Variants in TUSC3 observed in about 807,000 individuals in gnomAD.
TUSC3 encodes the protein tumor suppressor candidate 3.
A neutral mutation model predicts 44.8 loss-of-function variants in TUSC3; 45 were observed. The ratio of observed to expected loss-of-function variants is 1.00; its 90% CI spans 0.79 to 1.29. TUSC3 has a LOEUF of 1.29. Ranked by LOEUF, TUSC3 falls within the 50% of genes most tolerant of loss-of-function variation. The pLI, the probability that TUSC3 is intolerant of heterozygous loss-of-function variation, is 0.00. For missense variants in TUSC3, 519 were observed against 437.9 expected (o/e 1.19, Z -1.65); for synonymous variants, 212 against 152.9 (o/e 1.39, Z -2.85).
intron 2 of TUSC3, among the ~76,000 whole-genome samples, chr8:15,500,195 G>A (rs1012857482): frequency 7.9e-5 from 12 of 152,134 alleles, no homozygotes; most frequent in African/African-American, 2.9e-4. Context: ...GTATCTGGTG[G>A]TGGCCTCTGG....
chr8:15,838,593 G>T, the TUSC3 span, among the ~76,000 whole-genome samples: 15 of 152,104 alleles, frequency 9.9e-5, no homozygotes, highest in Non-Finnish European at 1.5e-5. Context: ...AGTTTTCGCA[G>T]CACCATTTAT....
At position 15,562,706 on chromosome 8, in the gene TUSC3, G is replaced by T. The variant is rs959587877; in HGVS notation, c.138+22138G>T. Among the ~76,000 whole-genome samples, 2 of 152,072 alleles carry T rather than the reference G, an allele frequency of 1.3e-5. 1 individual carries two copies. The highest frequency in any genetic ancestry group is 2.9e-5 in the Non-Finnish European group (2 of 68,030). ...GGAAGGAGTTTCTTGTTTTCTTCCT[G>T]CTTGTGTTGCTCTCAGTTCTTTGCT... On this transcript the variant is annotated intron_variant, in intron 1 of 10. Transcript: ENST00000503731.
At chr8:15,419,761 T>C (rs1287244618) in intron 1 of TUSC3, among the ~76,000 whole-genome samples, 2 of 152,198 alleles carry the variant, frequency 1.3e-5, no homozygotes, top group Admixed American at 6.5e-5. Flanking sequence ...AGTTTCCTAA[T>C]TTGTAAAATA....
intron 1 of TUSC3, among the ~76,000 whole-genome samples, chr8:15,441,908 A>T (rs1010174631): frequency 6.6e-6 from 1 of 152,148 alleles, no homozygotes; most frequent in Non-Finnish European, 1.5e-5. Context: ...TCTTGTATTC[A>T]TTTTAATGAT....
At chr8:15,811,284 G>T in the TUSC3 span, among the ~76,000 whole-genome samples, 1 of 152,114 alleles carries the variant, frequency 6.6e-6, no homozygotes, top group Admixed American at 6.5e-5. Flanking sequence ...AGGTTTAGGG[G>T]TAGCAGTCGC....
intron 1 of TUSC3, among the ~76,000 whole-genome samples, chr8:15,586,225 A>T (rs945576540): frequency 6.6e-6 from 1 of 151,920 alleles, no homozygotes; most frequent in African/African-American, 2.4e-5. Flanking sequence ...GAAGGACTGA[A>T]TGTTGTGAGT....
At chr8:15,850,118 T>TC in the TUSC3 span, among the ~76,000 whole-genome samples, 1 of 151,672 alleles carries the variant, frequency 6.6e-6, no homozygotes, top group Non-Finnish European at 1.5e-5. Context: ...ATCCTTTTTT[T>TC]TTTTTTGCCA....
At chr8:15,497,132 A>G (rs1432723572) in intron 2 of TUSC3, among the ~76,000 whole-genome samples, 2 of 152,174 alleles carry the variant, frequency 1.3e-5, no homozygotes, top group South Asian at 2.1e-4. Flanking sequence ...AATAAAAGGT[A>G]TGGTGGTTGT....
the TUSC3 span, among the ~76,000 whole-genome samples, chr8:15,850,750 A>C: frequency 1.3e-5 from 2 of 152,256 alleles, no homozygotes; most frequent in African/African-American, 4.8e-5. Context: ...AAAGAATTTT[A>C]AACAAAAATC....
intron 6 of TUSC3, among the ~76,000 whole-genome samples, chr8:15,719,507 ACACACACAC>A (rs1275859842): frequency 3.3e-4 from 16 of 49,190 alleles, no homozygotes; most frequent in African/African-American, 1.1e-3. Context: ...ACACACACAC[ACACACACAC>A]CACACACACA....
At chr8:15,803,239 G>A in the TUSC3 span, among the ~76,000 whole-genome samples, 1 of 151,984 alleles carries the variant, frequency 6.6e-6, no homozygotes, top group Non-Finnish European at 1.5e-5. Context: ...GCAATTTTGT[G>A]GCAATTTTTC....
intron 1 of TUSC3, among the ~76,000 whole-genome samples, chr8:15,437,651 T>C (rs1799966130): frequency 1.3e-5 from 2 of 152,174 alleles, no homozygotes; most frequent in Admixed American, 1.3e-4. Flanking sequence ...GGTATATGTA[T>C]AACTAAAAGT....
At chr8:15,491,845 C>G (rs1800813294) in intron 2 of TUSC3, among the ~76,000 whole-genome samples, 1 of 152,202 alleles carries the variant, frequency 6.6e-6, no homozygotes, top group Admixed American at 6.5e-5. Context: ...TTGATGACAA[C>G]ATTCCATATG....
intron 2 of TUSC3, among the ~76,000 whole-genome samples, chr8:15,512,842 ATTTG>A (rs376743610): frequency 1.0e-4 from 14 of 136,962 alleles, no homozygotes; most frequent in African/African-American, 2.7e-4. Context: ...GTGTATATAT[ATTTG>A]TGTGTGTGTG....
rs111677012 is a variant in TUSC3 at position 15,602,995 on chromosome 8, G to A, written c.139-20085G>A. Among the ~76,000 whole-genome samples the A allele has an allele frequency of 5.1e-3, 775 of 151,626 alleles. 10 individuals carry two copies. The highest frequency in any genetic ancestry group is 0.018 in the African/African-American group (749 of 41,466). ...GTCTTTTGAAATAAGACTGAGAGAA[G>A]TACAAGTTATAAATAAATGGATTCA... On this transcript the variant is annotated intron_variant, in intron 1 of 10. Coordinates refer to ENST00000503731, the MANE Select transcript of TUSC3 (RefSeq NM_006765.4).
At chr8:15,439,576 A>T (rs1026336206) in intron 1 of TUSC3, among the ~76,000 whole-genome samples, 2 of 152,184 alleles carry the variant, frequency 1.3e-5, no homozygotes, top group African/African-American at 2.4e-5. Context: ...ACAAAAACAA[A>T]AACAGAAAAA....
chr8:15,659,391 C>T lies in TUSC3; in HGVS notation c.427-116C>T, dbSNP rs1250622869. The T allele has an allele frequency of 2.3e-6, 3 of 1,332,356 alleles. No individual in the cohort carries two copies. The East Asian group carries it at 7.6e-5, about 34-fold the overall frequency. 82.5% of individuals were successfully genotyped at this position (1,332,356 alleles called of 1,614,324 possible). ...AAACAGAAATTTACCTCTGGAAAAC[C>T]ACTTGGATTTTCATAATAAATGCTG... On this transcript the variant is annotated intron_variant, in intron 3 of 10. Coordinates refer to ENST00000503731, the MANE Select transcript of TUSC3 (RefSeq NM_006765.4).
At chr8:15,547,504 A>G (rs1163712819) in intron 1 of TUSC3, among the ~76,000 whole-genome samples, 1 of 151,668 alleles carries the variant, frequency 6.6e-6, no homozygotes, top group Non-Finnish European at 1.5e-5. Flanking sequence ...TTGGTGGTCG[A>G]TAATAAGGCT....
rs143484830 is a variant in TUSC3, at chr8:15,619,307, T to A, written c.139-3773T>A. Among the ~76,000 whole-genome samples the A allele has an allele frequency of 1.4e-3, 206 of 152,326 alleles. 2 individuals carry two copies. The highest frequency in any genetic ancestry group is 4.8e-3 in the African/African-American group (199 of 41,588). On this transcript the variant is annotated intron_variant, in intron 1 of 10. Coordinates refer to ENST00000503731, the MANE Select transcript of TUSC3 (RefSeq NM_006765.4). ...TTTTCATATAATAGATTGAGACTTT[T>A]AAAAGAAAAATAATTCACAAAATGT...
Sources: allele counts gnomAD v4.1 joint callset (sites outside exome capture counted in the v4.1 genomes callset), GRCh38; gene constraint gnomAD v4.1.1; transcripts MANE v1.5; gene names NCBI Gene and HGNC (gene_info 2026-07-23, HGNC 2026-07-21).